Variants in UNC13C observed in about 807,000 individuals in gnomAD.
UNC13C encodes the protein unc-13 homolog C.
In UNC13C, 174 loss-of-function variants were observed where a neutral mutation model predicts 245.4. The observed-to-expected ratio is 0.71, with a 90% confidence interval of 0.63 to 0.80. UNC13C has a LOEUF of 0.80. Among genes scored for constraint, UNC13C ranks in the 30% least tolerant of loss-of-function variants. The pLI is 0.00. For synonymous variants in UNC13C, 992 were observed against 895.1 expected (o/e 1.11, Z -1.93); for missense variants, 2,829 against 2,602.9 (o/e 1.09, Z -1.89).
At chr15:53,984,205 A>AT (rs201886390) in intron 1 of UNC13C, among the ~76,000 whole-genome samples, 14 of 151,570 alleles carry the variant, frequency 9.2e-5, no homozygotes, top group African/African-American at 2.4e-4. Flanking sequence ...ATGGCAAAAT[A>AT]TTTTTTTTTA....
chr15:54,012,363 G>A (rs16973971), intron 1 of UNC13C, among the ~76,000 whole-genome samples: 29,859 of 151,898 alleles, frequency 0.2, 3,806 homozygotes, highest in African/African-American at 0.36. Context: ...ATTGACTGTC[G>A]TATTACTCAA....
chr15:54,622,407 G>A lies in UNC13C; in HGVS notation c.6187G>A (p.Val2063Ile). ...CACCCCAGGAACGGGAGATCATAAA[G>A]TCACTGTAAAAGGTATACTTCTGGT... The part of the protein sequence containing the change: ...TATPGTGDHK[V>I]TVKVIAINDL... Residue 2063 changes from valine (V) to isoleucine (I), a missense_variant, in exon 31 of 33, where the codon GTC becomes ATC. By Grantham distance (29) the Val-to-Ile change is conservative. Coordinates refer to ENST00000260323, the MANE Select transcript of UNC13C (RefSeq NM_001080534.3). The A allele has an allele frequency of 1.2e-6, 2 of 1,612,614 alleles. No individual in the cohort carries two copies. Among genetic ancestry groups the A allele is most frequent in the African/African-American group, 1.3e-5 (1 of 74,934 alleles).
chr15:54,197,509 G>A (rs113347746), intron 4 of UNC13C, among the ~76,000 whole-genome samples: 6 of 152,136 alleles, frequency 3.9e-5, no homozygotes, highest in African/African-American at 1.4e-4. Context: ...AAAGACGCTG[G>A]ATAGGTTTAA....
chr15:53,968,265 C>G, the UNC13C span: 1 of 152,172 alleles, frequency 6.6e-6, no homozygotes, highest in Non-Finnish European at 1.5e-5. Flanking sequence ...TAGGCAACCC[C>G]CGTGGGTTCA....
chr15:53,879,270 TC>T, the UNC13C span, among the ~76,000 whole-genome samples: 1 of 152,098 alleles, frequency 6.6e-6, no homozygotes, highest in Non-Finnish European at 1.5e-5. Context: ...CAAGTGATAC[TC>T]CCACCTGAGC....
intron 4 of UNC13C, among the ~76,000 whole-genome samples, chr15:54,147,798 G>GTGTGTGTGTGTT (rs1415358801): frequency 6.6e-6 from 1 of 151,732 alleles, no homozygotes; most frequent in African/African-American, 2.4e-5. Context: ...GCGTGTGTGT[G>GTGTGTGTGTGTT]TGTGTGTGTG....
At chr15:54,133,988 T>A (rs935549621) in intron 2 of UNC13C, among the ~76,000 whole-genome samples, 1 of 152,176 alleles carries the variant, frequency 6.6e-6, no homozygotes, top group African/African-American at 2.4e-5. Context: ...GATATTCATA[T>A]ACATTGTGAA....
intron 4 of UNC13C, among the ~76,000 whole-genome samples, chr15:54,160,227 T>C (rs973853478): frequency 2.0e-5 from 3 of 151,788 alleles, no homozygotes; most frequent in African/African-American, 7.3e-5. Flanking sequence ...TTAGGTAGAC[T>C]GTTAGTGAGG....
chr15:54,343,296 G>A (rs1370713428), intron 17 of UNC13C, among the ~76,000 whole-genome samples: 4 of 152,044 alleles, frequency 2.6e-5, no homozygotes, highest in African/African-American at 9.7e-5. Context: ...ACCACGCCTG[G>A]CTTATTTTGT....
chr15:54,101,506 G>A (rs960400249), intron 2 of UNC13C, among the ~76,000 whole-genome samples: 1 of 152,166 alleles, frequency 6.6e-6, no homozygotes, highest in South Asian at 2.1e-4. Context: ...CAAAATAAAC[G>A]AGGTAAAAGT....
At chr15:53,965,974 C>T in the UNC13C span, among the ~76,000 whole-genome samples, 1 of 152,078 alleles carries the variant, frequency 6.6e-6, no homozygotes, top group Non-Finnish European at 1.5e-5. Flanking sequence ...CATTGTTGGA[C>T]ATTTGGGTTG....
At chr15:54,115,052 C>A (rs1374139194) in intron 2 of UNC13C, among the ~76,000 whole-genome samples, 1 of 152,002 alleles carries the variant, frequency 6.6e-6, no homozygotes, top group Non-Finnish European at 1.5e-5. Flanking sequence ...TGCCAATCCT[C>A]CATTTGCTCT....
chr15:54,589,852 T>G (rs1016055157), intron 30 of UNC13C, among the ~76,000 whole-genome samples: 3 of 152,160 alleles, frequency 2.0e-5, no homozygotes, highest in African/African-American at 7.2e-5. Flanking sequence ...GCTTTTGAGT[T>G]TTTAGTCATG....
chr15:54,209,905 G>A (rs1335604585), intron 4 of UNC13C, among the ~76,000 whole-genome samples: 2 of 151,924 alleles, frequency 1.3e-5, no homozygotes, highest in African/African-American at 4.8e-5. Flanking sequence ...GATAATACAG[G>A]CAAAAAGTAT....
the UNC13C span, chr15:53,913,627 T>A: frequency 9.9e-5 from 15 of 152,180 alleles, no homozygotes; most frequent in Non-Finnish European, 1.9e-4. Context: ...AGCACAGACA[T>A]CCACTTTAGC....
Position 54,626,848 on chromosome 15 carries a change from G to A in UNC13C, c.6380G>A (p.Arg2127Gln), listed in dbSNP as rs527318695. 7.4e-6 allele frequency: 12 copies of A among 1,612,112 alleles called. No homozygotes were observed. The highest frequency in any genetic ancestry group is 6.7e-5 in the East Asian group (3 of 44,780). Residue 2127 changes from arginine to glutamine, a missense_variant, in exon 33 of 33, where the codon CGA becomes CAA. By Grantham distance (43) the Arg-to-Gln change is conservative. Coordinates refer to ENST00000260323, the MANE Select transcript of UNC13C (RefSeq NM_001080534.3). ...CACAGCATTCTCGGAAAGGAAAATC[G>A]ACCAGGGGCTTATGAACTTCATCTC... ...TFQFILGKEN[R>Q]PGAYELHLSV...
chr15:54,185,729 G>C (rs1346075886), intron 4 of UNC13C, among the ~76,000 whole-genome samples: 1 of 150,102 alleles, frequency 6.7e-6, no homozygotes, highest in Non-Finnish European at 1.5e-5. Context: ...TGTTCTTTTG[G>C]CTTAGGATTG....
the UNC13C span, among the ~76,000 whole-genome samples, chr15:53,946,299 C>G: frequency 6.6e-6 from 1 of 151,990 alleles, no homozygotes; most frequent in Non-Finnish European, 1.5e-5. Context: ...TGAGGACATC[C>G]TTGTCTTGTG....
chr15:54,515,110 G>A (rs1894912935), intron 24 of UNC13C, among the ~76,000 whole-genome samples: 1 of 151,984 alleles, frequency 6.6e-6, no homozygotes. Context: ...AAACCACGAA[G>A]AAAAACTAAC....
Sources: gnomAD v4.1 joint callset for allele counts (sites outside exome capture counted in the v4.1 genomes callset) on GRCh38, gnomAD v4.1.1 for gene constraint, MANE v1.5 for transcripts, NCBI Gene and HGNC (gene_info 2026-07-23, HGNC 2026-07-21) for gene names.